The following CDH23 variants were observed in gnomAD, a reference collection of about 807,000 sequenced individuals.
CDH23 encodes the protein cadherin-23.
In CDH23, 189 loss-of-function variants were observed where a neutral mutation model predicts 317.1. The ratio of observed to expected loss-of-function variants is 0.60; its 90% CI spans 0.53 to 0.67. The LOEUF is 0.67. CDH23 is among the 30% of genes least tolerant of loss of function. The probability of loss-of-function intolerance (pLI) is 0.00; values close to 1 mark genes in which losing one functional copy is unlikely to be tolerated. For missense variants in CDH23, 4,401 were observed against 4,592.4 expected (o/e 0.96, Z 1.20); for synonymous variants, 1,839 against 1,876.8 (o/e 0.98, Z 0.52).
intron 6 of CDH23, among the ~76,000 whole-genome samples, chr10:71,532,962 C>T (rs1589172955): frequency 6.6e-6 from 1 of 152,220 alleles, no homozygotes; most frequent in Non-Finnish European, 1.5e-5. Context: ...GAACTCCTGA[C>T]CTCAAGTGAT....
intron 38 of CDH23, among the ~76,000 whole-genome samples, chr10:71,755,832 G>A (rs932859888): frequency 6.6e-6 from 1 of 152,162 alleles, no homozygotes; most frequent in Non-Finnish European, 1.5e-5. Flanking sequence ...CAGACCCCAT[G>A]CCACAGAGCT....
chr10:71,533,524 A>ACCCC (rs1220569586), intron 6 of CDH23, among the ~76,000 whole-genome samples: 1 of 91,242 alleles, frequency 1.1e-5, no homozygotes, highest in African/African-American at 4.0e-5. Flanking sequence ...CTGGCTGGAC[A>ACCCC]CCACACACAC....
intron 11 of CDH23, among the ~76,000 whole-genome samples, chr10:71,628,929 A>T (rs1861877341): frequency 6.6e-6 from 1 of 152,230 alleles, no homozygotes. Flanking sequence ...TGCTCTTTTC[A>T]CATGGGCAAA....
rs370826064 is a variant in CDH23 at position 71,709,156 on chromosome 10, G to A, written c.3165G>A (p.Val1055=). The change falls in exon 27 of 70, where the codon GTG becomes GTA. Residue 1055 remains valine (V), a synonymous_variant. Transcript: ENST00000224721. Reference sequence around the variant, plus strand: ...ACCGCGATGCCGTTGTGAGAACCGTGGTGGGCCTGGACCGGGAGACCACAG... The same window carrying A: ...ACCGCGATGCCGTTGTGAGAACCGTAGTGGGCCTGGACCGGGAGACCACAG... The part of the protein sequence containing the change: ...VGYRDAVVRT[V]VGLDRETTAA... 9.9e-6 allele frequency: 16 copies of A among 1,613,884 alleles called. No individual in the cohort carries two copies. The African/African-American group carries it at 1.5e-4, about 15-fold the overall frequency.
chr10:71,791,421 T>A, intron 47 of CDH23, 86 bp downstream of exon 47: 1 of 1,227,192 alleles, frequency 8.1e-7, no homozygotes, highest in Non-Finnish European at 1.2e-6. Flanking sequence ...GGACACGGAG[T>A]TTGCCTCCAG....
At chr10:71,493,574 G>A (rs1420749802) in intron 3 of CDH23, among the ~76,000 whole-genome samples, 1 of 152,130 alleles carries the variant, frequency 6.6e-6, no homozygotes, top group East Asian at 1.9e-4. Context: ...TCCTTTGAGA[G>A]GCTCTCGGAA....
chr10:71,643,962 C>T (rs1862700619), intron 12 of CDH23, 96 bp downstream of exon 12: 1 of 738,302 alleles, frequency 1.4e-6, no homozygotes, highest in East Asian at 2.5e-5. Flanking sequence ...CTCAGCCCTC[C>T]CCCACCCTCT....
intron 19 of CDH23, among the ~76,000 whole-genome samples, chr10:71,689,333 G>T (rs1454351309): frequency 6.6e-6 from 1 of 152,018 alleles, no homozygotes; most frequent in African/African-American, 2.4e-5. Flanking sequence ...TGGGTGCTGG[G>T]CTGCACCCAG....
chr10:71,811,685 T>C, intron 64 of CDH23, 28 bp from the exon 65 acceptor site: 1 of 1,612,674 alleles, frequency 6.2e-7, no homozygotes, highest in South Asian at 1.1e-5. Context: ...TTGGCCCCCC[T>C]CACCAGCCCC....
At chr10:71,415,397 G>A (rs72642221) in intron 1 of CDH23, among the ~76,000 whole-genome samples, 1,523 of 152,128 alleles carry the variant, frequency 0.01, 50 homozygotes, top group East Asian at 0.078. Context: ...CCAGCCATCC[G>A]TCTCATTTTC....
intron 6 of CDH23, among the ~76,000 whole-genome samples, chr10:71,543,000 G>A (rs1856066964): frequency 6.6e-6 from 1 of 152,234 alleles, no homozygotes. Flanking sequence ...TTGCCTTGTG[G>A]AATTAGGCCT....
intron 36 of CDH23, among the ~76,000 whole-genome samples, chr10:71,740,065 C>T (rs1269640908): frequency 2.0e-5 from 3 of 152,196 alleles, no homozygotes; most frequent in African/African-American, 7.2e-5. Context: ...GCTGGGAGAG[C>T]CCCAGCTCTT....
intron 45 of CDH23, among the ~76,000 whole-genome samples, chr10:71,790,064 T>G (rs532581152): frequency 2.0e-4 from 30 of 152,236 alleles, no homozygotes; most frequent in African/African-American, 7.2e-4. Context: ...TGCTCACCAC[T>G]CTCATGTTTT....
intron 48 of CDH23, among the ~76,000 whole-genome samples, chr10:71,794,137 G>C (rs191162370): frequency 6.4e-4 from 98 of 152,230 alleles, no homozygotes; most frequent in African/African-American, 2.3e-3. Context: ...GAGTAGCTGA[G>C]ATTACAGACA....
chr10:71,612,529 A>C (rs1860965217), intron 9 of CDH23, among the ~76,000 whole-genome samples: 1 of 152,232 alleles, frequency 6.6e-6, no homozygotes, highest in Admixed American at 6.5e-5. Flanking sequence ...ATTTATAAGA[A>C]AAATCTCACA....
intron 3 of CDH23, among the ~76,000 whole-genome samples, chr10:71,498,087 T>C (rs1853074490): frequency 6.6e-6 from 1 of 152,198 alleles, no homozygotes; most frequent in Non-Finnish European, 1.5e-5. Context: ...ACCTCTGCAC[T>C]TTGGCCATTG....
intron 26 of CDH23, among the ~76,000 whole-genome samples, chr10:71,707,748 C>T (rs551269049): frequency 3.3e-5 from 5 of 152,266 alleles, no homozygotes; most frequent in African/African-American, 1.2e-4. Flanking sequence ...TTCCTCAACC[C>T]TCTTTGGCCC....
At chr10:71,658,340 A>G (rs1440209642) in intron 14 of CDH23, among the ~76,000 whole-genome samples, 1 of 152,216 alleles carries the variant, frequency 6.6e-6, no homozygotes, top group Non-Finnish European at 1.5e-5. Flanking sequence ...CCTTTCTTCC[A>G]CTGCGGCTGG....
rs2133001741 is a variant in CDH23 at position 71,811,447 on chromosome 10, C to T, written c.9198+12C>T. 1 of 1,613,992 alleles carries T rather than the reference C, an allele frequency of 6.2e-7. No individual in the cohort carries two copies. The highest frequency in any genetic ancestry group is 8.5e-7 in the Non-Finnish European group (1 of 1,179,896). ...TGTCTGCCCTGCAGGTACCCGGCGA[C>T]CGTGCCCCACAGCCCTAGCCGCCCT... is the stretch of plus-strand genomic sequence containing the variant. On this transcript the variant is annotated intron_variant, in intron 63 of 69. Coordinates refer to ENST00000224721, the MANE Select transcript of CDH23 (RefSeq NM_022124.6).
Sources: gnomAD v4.1 joint callset for allele counts (sites outside exome capture counted in the v4.1 genomes callset) on GRCh38, gnomAD v4.1.1 for gene constraint, MANE v1.5 for transcripts, NCBI Gene and HGNC (gene_info 2026-07-23, HGNC 2026-07-21) for gene names.